SND1: variants seen among roughly 807,000 people sequenced by gnomAD.
The protein encoded by SND1 is staphylococcal nuclease and tudor domain containing 1.
In SND1, 38 loss-of-function variants were observed where a neutral mutation model predicts 121.7. The ratio of observed to expected loss-of-function variants is 0.31; its 90% CI spans 0.24 to 0.41. SND1 has a LOEUF of 0.41. Among genes scored for constraint, SND1 ranks in the 10% least tolerant of loss-of-function variants. The probability of loss-of-function intolerance (pLI) is 1.00; values close to 1 mark genes in which losing one functional copy is unlikely to be tolerated. For missense variants in SND1, 868 were observed against 1,184.6 expected, an observed-to-expected ratio of 0.73 and a Z score of 3.92; for synonymous variants, 401 against 447.4, an observed-to-expected ratio of 0.90 and a Z score of 1.31.
At chr7:127,841,679 A>G (rs949925631) in intron 11 of SND1, among the ~76,000 whole-genome samples, 3 of 151,154 alleles carry the variant, frequency 2.0e-5, no homozygotes, top group Admixed American at 1.3e-4. Flanking sequence ...CAGCCCTCTC[A>G]TTCCTTGCCC....
chr7:128,004,785 G>A (rs189410815), intron 16 of SND1, among the ~76,000 whole-genome samples: 57 of 152,298 alleles, frequency 3.7e-4, no homozygotes, highest in Non-Finnish European at 6.2e-4. Flanking sequence ...GCATAAGGCC[G>A]TATTTACATA....
intron 16 of SND1, chr7:128,031,130 G>A (rs1279462735): frequency 6.5e-6 from 1 of 152,824 alleles, no homozygotes; most frequent in African/African-American, 2.4e-5. Flanking sequence ...GCGAAGCCGC[G>A]GAGTTGAGGC....
At chr7:127,916,486 A>C (rs1386020517) in intron 14 of SND1, among the ~76,000 whole-genome samples, 5 of 152,188 alleles carry the variant, frequency 3.3e-5, no homozygotes, top group East Asian at 3.8e-4. Context: ...GGCTTCATGC[A>C]TGAGTTTAGG....
intron 3 of SND1, among the ~76,000 whole-genome samples, chr7:127,695,686 C>T (rs2116326702): frequency 1.3e-5 from 2 of 152,094 alleles, no homozygotes; most frequent in Middle Eastern, 6.8e-3. Flanking sequence ...ATTAGCCAGG[C>T]GTGGTGGCGC....
At chr7:127,703,132 C>A in intron 6 of SND1, 33 bp from the exon 7 acceptor site, 1 of 1,613,310 alleles carries the variant, frequency 6.2e-7, no homozygotes, top group Non-Finnish European at 8.5e-7. Context: ...CACATTTAGG[C>A]TGCATTACTC....
At chr7:128,056,406 T>C (rs1584765223) in intron 16 of SND1, among the ~76,000 whole-genome samples, 1 of 152,252 alleles carries the variant, frequency 6.6e-6, no homozygotes, top group Non-Finnish European at 1.5e-5. Context: ...AAAAAGGGCC[T>C]TGTTTCTCTG....
At chr7:128,020,105 A>G (rs1803311389) in intron 16 of SND1, among the ~76,000 whole-genome samples, 1 of 152,216 alleles carries the variant, frequency 6.6e-6, no homozygotes, top group African/African-American at 2.4e-5. Context: ...GAAGCAACAC[A>G]TGCCCCTTTT....
intron 15 of SND1, among the ~76,000 whole-genome samples, chr7:127,941,448 A>G (rs1329566903): frequency 2.0e-5 from 3 of 152,194 alleles, no homozygotes; most frequent in South Asian, 2.1e-4. Context: ...TACCTTTACT[A>G]TGAGTAGGAA....
At chr7:128,001,285 T>C (rs1276650312) in intron 16 of SND1, among the ~76,000 whole-genome samples, 1 of 152,254 alleles carries the variant, frequency 6.6e-6, no homozygotes. Flanking sequence ...TAGTCTCTTC[T>C]TTAGGACATT....
At chr7:128,069,428 G>T (rs977267018) in intron 16 of SND1, among the ~76,000 whole-genome samples, 2 of 152,148 alleles carry the variant, frequency 1.3e-5, no homozygotes, top group African/African-American at 4.8e-5. Flanking sequence ...TCTAAGAGAG[G>T]TCAAGTGAAT....
chr7:127,923,754 C>A (rs1029456114), intron 14 of SND1, among the ~76,000 whole-genome samples: 1 of 152,168 alleles, frequency 6.6e-6, no homozygotes, highest in Non-Finnish European at 1.5e-5. Context: ...TTCTCCTGGT[C>A]TGCACAACCC....
At chr7:128,074,795 G>A (rs1793478892) in intron 17 of SND1, 105 bp downstream of exon 17, 2 of 1,157,270 alleles carry the variant, frequency 1.7e-6, no homozygotes, top group African/African-American at 1.5e-5. Flanking sequence ...TCCCCACAGA[G>A]TAGCCCAGGA....
At chr7:127,987,316 A>T (rs1462103428) in intron 15 of SND1, among the ~76,000 whole-genome samples, 1 of 152,090 alleles carries the variant, frequency 6.6e-6, no homozygotes, top group African/African-American at 2.4e-5. Flanking sequence ...TTTAACGTCC[A>T]TTTTATTGCA....
chr7:128,008,413 G>A (rs564833489), intron 16 of SND1, among the ~76,000 whole-genome samples: 10 of 152,016 alleles, frequency 6.6e-5, no homozygotes, highest in African/African-American at 1.4e-4. Flanking sequence ...AGATAAGCCC[G>A]GAGGAAACCA....
intron 16 of SND1, chr7:128,028,184 T>G (rs1478926341): frequency 1.3e-5 from 2 of 153,032 alleles, no homozygotes; most frequent in Non-Finnish European, 2.9e-5. Flanking sequence ...TGGTGCTTTT[T>G]TTTTGTATTT....
chr7:127,866,427 T>C (rs1226095228), intron 12 of SND1, among the ~76,000 whole-genome samples: 1 of 151,466 alleles, frequency 6.6e-6, no homozygotes, highest in Non-Finnish European at 1.5e-5. Context: ...CACCAGGAGC[T>C]GAAATAATTA....
intron 15 of SND1, among the ~76,000 whole-genome samples, chr7:127,952,757 A>T (rs1801490616): frequency 1.3e-5 from 2 of 152,352 alleles, no homozygotes; most frequent in South Asian, 4.1e-4. Context: ...CCCATAATTA[A>T]CGTGAACATT....
chr7:127,828,155 C>T (rs1021229074), intron 11 of SND1, among the ~76,000 whole-genome samples: 1 of 152,000 alleles, frequency 6.6e-6, no homozygotes. Flanking sequence ...CACCACCATG[C>T]CCGGCTAATT....
At chr7:127,872,585 G>T (rs1799612595) in intron 12 of SND1, among the ~76,000 whole-genome samples, 1 of 142,352 alleles carries the variant, frequency 7.0e-6, no homozygotes, top group Admixed American at 7.1e-5. Context: ...TTAAAGTGTT[G>T]ATATGACACA....
Sources: allele counts gnomAD v4.1 joint callset (sites outside exome capture counted in the v4.1 genomes callset), GRCh38; gene constraint gnomAD v4.1.1; transcripts MANE v1.5; gene names NCBI Gene and HGNC (gene_info 2026-07-23, HGNC 2026-07-21).